PRKAR1B: variants seen among roughly 807,000 people sequenced by gnomAD.
PRKAR1B encodes the protein protein kinase cAMP-dependent type I regulatory subunit beta.
A neutral mutation model predicts 46.5 loss-of-function variants in PRKAR1B; 22 were observed. The observed-to-expected ratio is 0.47, with a 90% CI of 0.34 to 0.68. The LOEUF (loss-of-function observed/expected upper bound fraction) is 0.68. PRKAR1B is among the 30% of genes least tolerant of loss of function. PRKAR1B has a pLI of 0.01. For missense variants in PRKAR1B, 445 were observed against 535.6 expected (o/e 0.83, Z 1.67); for synonymous variants, 259 against 217.7 (o/e 1.19, Z -1.67).
At chr7:696,567 C>A (rs937803351) in intron 2 of PRKAR1B, 1 of 152,298 alleles carries the variant, frequency 6.6e-6, no homozygotes, top group African/African-American at 2.4e-5. Context: ...AGCCACCGCG[C>A]CCGGCCTCAA....
intron 7 of PRKAR1B, among the ~76,000 whole-genome samples, chr7:594,821 TCC>T (rs1781180398): frequency 6.6e-6 from 1 of 150,858 alleles, no homozygotes; most frequent in African/African-American, 2.4e-5. Context: ...CATGAGGGGA[TCC>T]CCTAGACCAT....
intron 4 of PRKAR1B, among the ~76,000 whole-genome samples, chr7:634,451 C>A (rs754192822): frequency 6.6e-6 from 1 of 152,084 alleles, no homozygotes; most frequent in African/African-American, 2.4e-5. Context: ...GCACTCCAGC[C>A]TGGGCAACAG....
chr7:637,573 C>T (rs1171298986), intron 4 of PRKAR1B, among the ~76,000 whole-genome samples: 1 of 152,152 alleles, frequency 6.6e-6, no homozygotes, highest in African/African-American at 2.4e-5. Context: ...GTGGCTCACG[C>T]CTGTGATCCC....
At chr7:665,198 T>C (rs1785835812) in intron 4 of PRKAR1B, among the ~76,000 whole-genome samples, 2 of 152,078 alleles carry the variant, frequency 1.3e-5, no homozygotes, top group African/African-American at 2.4e-5. Context: ...GTGTGGAAAA[T>C]GACTGTTCTC....
chr7:685,288 A>ACG (rs1562615511), intron 2 of PRKAR1B, among the ~76,000 whole-genome samples: 96 of 10,454 alleles, frequency 9.2e-3, no homozygotes, highest in Non-Finnish European at 0.011. Flanking sequence ...ACGTATATAT[A>ACG]TGTATACATA....
At chr7:665,499 C>T (rs952696138) in intron 4 of PRKAR1B, among the ~76,000 whole-genome samples, 1 of 152,202 alleles carries the variant, frequency 6.6e-6, no homozygotes, top group East Asian at 1.9e-4. Context: ...CTTCAGCCTC[C>T]GTTGAATTCA....
intron 9 of PRKAR1B, among the ~76,000 whole-genome samples, chr7:569,123 C>A (rs1779347933): frequency 6.6e-6 from 1 of 151,806 alleles, no homozygotes; most frequent in Admixed American, 6.6e-5. Flanking sequence ...TCAAAGGAAC[C>A]ACACAAATGG....
At chr7:681,626 G>A (rs555375568) in intron 2 of PRKAR1B, among the ~76,000 whole-genome samples, 57 of 152,266 alleles carry the variant, frequency 3.7e-4, no homozygotes, top group Non-Finnish European at 6.8e-4. Context: ...CCGAGTCACC[G>A]TGGAACGACC....
intron 9 of PRKAR1B, among the ~76,000 whole-genome samples, chr7:556,309 C>T (rs145163942): frequency 0.018 from 2,688 of 151,928 alleles, 73 homozygotes; most frequent in African/African-American, 0.062. Flanking sequence ...ATCCCAGAGG[C>T]CACCAAAGCA....
chr7:600,366 G>C (rs564794651), intron 6 of PRKAR1B, among the ~76,000 whole-genome samples: 6 of 152,126 alleles, frequency 3.9e-5, no homozygotes, highest in Admixed American at 3.9e-4. Context: ...TTAGCTGGAC[G>C]TGGTGGTGCA....
At chr7:618,791 T>C (rs563134490) in intron 4 of PRKAR1B, among the ~76,000 whole-genome samples, 1 of 152,330 alleles carries the variant, frequency 6.6e-6, no homozygotes, top group South Asian at 2.1e-4. Flanking sequence ...AGAAATTCCT[T>C]GTGTGTTTTA....
chr7:555,329 T>G (rs1042849612), intron 9 of PRKAR1B, among the ~76,000 whole-genome samples: 1 of 151,956 alleles, frequency 6.6e-6, no homozygotes, highest in Non-Finnish European at 1.5e-5. Context: ...ACTTTGTCAC[T>G]AGTCACGCTG....
chr7:689,434 C>CAAAT (rs1779287561), intron 2 of PRKAR1B, among the ~76,000 whole-genome samples: 1 of 151,702 alleles, frequency 6.6e-6, no homozygotes, highest in African/African-American at 2.4e-5. Context: ...TTTTTAAAGC[C>CAAAT]AAATGGAAAT....
intron 4 of PRKAR1B, among the ~76,000 whole-genome samples, chr7:616,361 C>T (rs2128471458): frequency 6.6e-6 from 1 of 152,382 alleles, no homozygotes; most frequent in East Asian, 1.9e-4. Flanking sequence ...CAGAGTCACG[C>T]TTCCACCTCT....
At position 629,493 on chromosome 7, in the gene PRKAR1B, G is replaced by C. The variant is rs563191331; in HGVS notation, c.441-22041C>G. On this transcript the variant is annotated intron_variant, in intron 4 of 10. Transcript: ENST00000537384. ...AGGGCTGGAAAACGCTGCAGGAGCG[G>C]GGCCACGGCCTCCGAAGGCACCACC... Among the ~76,000 whole-genome samples, 121 of 124,048 alleles carry C rather than the reference G, an allele frequency of 9.8e-4. 4 individuals are homozygous for C. Among genetic ancestry groups the C allele is most frequent in the Middle Eastern group, 4.9e-3 (1 of 206 alleles). The allele number at this position is 124,048 out of a possible 152,430, so 81.4% of individuals were successfully genotyped here.
rs116027923 is a variant in PRKAR1B at position 644,086 on chromosome 7, C to T, written c.440+33143G>A. The stretch of plus-strand genomic sequence containing the variant: ...TGCTACACGGCCCACTACACTAAGC[C>T]CTAAGTCTTCATCTTGCAGACAAAC... On this transcript the variant is annotated intron_variant, in intron 4 of 10. Transcript: ENST00000537384. This position sits in a 1 kb window ranked among gnomAD's most constrained non-coding sequence, Gnocchi z 4.9. Among the ~76,000 whole-genome samples, 1,142 of 152,210 alleles carry T rather than the reference C, an allele frequency of 7.5e-3. 18 individuals carry two copies. Among genetic ancestry groups the T allele is most frequent in the African/African-American group, 0.026 (1,096 of 41,506 alleles).
At chr7:642,133 C>T (rs899794575) in intron 4 of PRKAR1B, among the ~76,000 whole-genome samples, 1 of 151,998 alleles carries the variant, frequency 6.6e-6, no homozygotes, top group African/African-American at 2.4e-5. Context: ...TGAGCTCAAG[C>T]GATCCACCCA....
At chr7:640,814 A>AC (rs1784351630) in intron 4 of PRKAR1B, among the ~76,000 whole-genome samples, 8 of 149,326 alleles carry the variant, frequency 5.4e-5, no homozygotes, top group East Asian at 2.0e-4. Flanking sequence ...ACACAGACAC[A>AC]AATGAAATAC....
At position 667,425 on chromosome 7, in the gene PRKAR1B, G is replaced by C. The variant is rs1039763118; in HGVS notation, c.440+9804C>G. Among the ~76,000 whole-genome samples, 3 of 152,130 alleles carry C rather than the reference G, an allele frequency of 2.0e-5. No homozygotes were observed. Among genetic ancestry groups the C allele is most frequent in the Non-Finnish European group, 2.9e-5 (2 of 68,030 alleles). ...ATGTTTTAAACACACCTTAAATTCTGTGGTATCTGAGTGAGATTGTGTGTG... is the reference window on the plus strand; with the variant it reads ...ATGTTTTAAACACACCTTAAATTCTCTGGTATCTGAGTGAGATTGTGTGTG... On this transcript the variant is annotated intron_variant, in intron 4 of 10. Coordinates refer to ENST00000537384, the MANE Select transcript of PRKAR1B (RefSeq NM_001164760.2). This position sits in a 1 kb window ranked among gnomAD's most constrained non-coding sequence, Gnocchi z 4.3.
Sources: gnomAD v4.1 joint callset for allele counts (sites outside exome capture counted in the v4.1 genomes callset) on GRCh38, gnomAD v4.1.1 for gene constraint, Gnocchi (gnomAD v3.1) non-coding constraint, MANE v1.5 for transcripts, NCBI Gene and HGNC (gene_info 2026-07-23, HGNC 2026-07-21) for gene names.